Variants in LHCGR observed in about 807,000 individuals in gnomAD.
LHCGR encodes the protein lutropin-choriogonadotropic hormone receptor.
In LHCGR, 55 loss-of-function variants were observed where a neutral mutation model predicts 60.7. That is an observed-to-expected ratio of 0.91 (90% CI 0.73 to 1.13). The LOEUF (loss-of-function observed/expected upper bound fraction) is 1.13. LHCGR is among the 50% of genes most tolerant of loss of function. The pLI, the probability that LHCGR is intolerant of heterozygous loss-of-function variation, is 0.00. For missense variants in LHCGR, 862 were observed against 836.0 expected, an observed-to-expected ratio of 1.03 and a Z score of -0.38; for synonymous variants, 337 against 316.5, an observed-to-expected ratio of 1.06 and a Z score of -0.69.
At chr2:48,750,628 A>G (rs1669917367) in intron 1 of LHCGR, among the ~76,000 whole-genome samples, 1 of 152,244 alleles carries the variant, frequency 6.6e-6, no homozygotes, top group Non-Finnish European at 1.5e-5. Context: ...TGATGTAGAC[A>G]TGCTTCTTTT....
Position 48,723,485 on chromosome 2 carries a change from A to G in LHCGR, c.507T>C (p.Phe169=), listed in dbSNP as rs1241149479. ...LHITTIPGNA[F]QGMNNESVTL... ...TTACAGATTCATTATTCATCCCTTGAAAAGCATTTCCTGGTATGGTGGTTA... is the reference window on the plus strand; with the variant it reads ...TTACAGATTCATTATTCATCCCTTGGAAAGCATTTCCTGGTATGGTGGTTA... Residue 169 remains phenylalanine (F), a synonymous_variant, in exon 6 of 11, where the codon TTT becomes TTC. Coordinates refer to ENST00000294954, the MANE Select transcript of LHCGR (RefSeq NM_000233.4). 1.2e-6 allele frequency: 2 copies of G among 1,612,542 alleles called. No homozygotes were observed. Among genetic ancestry groups the G allele is most frequent in the South Asian group, 2.2e-5 (2 of 91,040 alleles).
At chr2:48,719,563 G>C (rs1393459731) in intron 6 of LHCGR, among the ~76,000 whole-genome samples, 1 of 152,202 alleles carries the variant, frequency 6.6e-6, no homozygotes, top group Non-Finnish European at 1.5e-5. Flanking sequence ...GCTAAATTCT[G>C]CTTATTTGGG....
chr2:48,714,954 A>T (rs1668176593), intron 6 of LHCGR, among the ~76,000 whole-genome samples: 1 of 152,182 alleles, frequency 6.6e-6, no homozygotes, highest in Non-Finnish European at 1.5e-5. Flanking sequence ...TGGGACTAGG[A>T]TATGCTTTGT....
intron 6 of LHCGR, among the ~76,000 whole-genome samples, chr2:48,715,926 C>A (rs569668279): frequency 5.3e-4 from 81 of 152,242 alleles, no homozygotes; most frequent in African/African-American, 1.8e-3. Context: ...ATGCCTGGTG[C>A]CTAGCTCAGT....
At chr2:48,707,683 T>C (rs115118904) in intron 8 of LHCGR, among the ~76,000 whole-genome samples, 4,877 of 152,356 alleles carry the variant, frequency 0.032, 100 homozygotes, top group Middle Eastern at 0.068. Flanking sequence ...GTTTACACAG[T>C]GTGCATAAAA....
intron 1 of LHCGR, among the ~76,000 whole-genome samples, chr2:48,747,633 C>T (rs1406057937): frequency 6.6e-6 from 1 of 152,142 alleles, no homozygotes; most frequent in Non-Finnish European, 1.5e-5. Context: ...AAAAGAGGGA[C>T]AGAGAGGAGT....
intron 1 of LHCGR, among the ~76,000 whole-genome samples, chr2:48,754,656 T>G (rs186459738): frequency 6.6e-6 from 1 of 151,108 alleles, no homozygotes; most frequent in Non-Finnish European, 1.5e-5. Flanking sequence ...TCCCATCCGC[T>G]TCCCCAGCCC....
intron 1 of LHCGR, among the ~76,000 whole-genome samples, chr2:48,743,356 A>C (rs548307755): frequency 6.6e-6 from 1 of 152,348 alleles, no homozygotes; most frequent in South Asian, 2.1e-4. Context: ...GGCCAGCATC[A>C]TCCTGATACC....
At chr2:48,743,992 A>G (rs1052170342) in intron 1 of LHCGR, among the ~76,000 whole-genome samples, 2 of 142,744 alleles carry the variant, frequency 1.4e-5, no homozygotes, top group African/African-American at 2.7e-5. Flanking sequence ...CAACTTCAGC[A>G]AAGTCTCAGG....
At chr2:48,731,747 T>C (rs1005865260) in intron 1 of LHCGR, among the ~76,000 whole-genome samples, 1 of 152,186 alleles carries the variant, frequency 6.6e-6, no homozygotes. Context: ...AGTGATCCTA[T>C]AGACTTGATT....
intron 7 of LHCGR, 151 bp downstream of exon 7, chr2:48,713,835 A>G (rs1668110351): frequency 1.4e-6 from 1 of 712,120 alleles, no homozygotes; most frequent in Admixed American, 2.0e-5. Flanking sequence ...CTAGCCAGCC[A>G]GTTGCCTAGT....
At chr2:48,715,462 A>G (rs79813608) in intron 6 of LHCGR, among the ~76,000 whole-genome samples, 11 of 152,178 alleles carry the variant, frequency 7.2e-5, no homozygotes, top group East Asian at 1.9e-4. Flanking sequence ...TAAACTCCTT[A>G]TATCTGCCAA....
chr2:48,712,033 T>C (rs546046235), intron 7 of LHCGR, among the ~76,000 whole-genome samples: 1 of 152,142 alleles, frequency 6.6e-6, no homozygotes, highest in East Asian at 1.9e-4. Context: ...TGAACACATC[T>C]TATAATTCCT....
At chr2:48,739,458 T>C (rs1669337455) in intron 1 of LHCGR, among the ~76,000 whole-genome samples, 1 of 152,196 alleles carries the variant, frequency 6.6e-6, no homozygotes, top group Admixed American at 6.5e-5. Context: ...GTGGCACATA[T>C]ACACCATGGA....
intron 8 of LHCGR, among the ~76,000 whole-genome samples, chr2:48,702,754 C>T (rs1667473636): frequency 6.6e-6 from 1 of 151,366 alleles, no homozygotes; most frequent in Non-Finnish European, 1.5e-5. Flanking sequence ...GCAGCATGAT[C>T]CTTTAATAGT....
intron 8 of LHCGR, among the ~76,000 whole-genome samples, chr2:48,702,337 A>T (rs1051530023): frequency 4.0e-5 from 6 of 151,660 alleles, no homozygotes; most frequent in African/African-American, 1.5e-4. Context: ...ATAGGTATAC[A>T]TATGCCACGT....
intron 1 of LHCGR, among the ~76,000 whole-genome samples, chr2:48,743,578 A>G (rs1170528269): frequency 3.3e-5 from 5 of 152,170 alleles, no homozygotes; most frequent in African/African-American, 1.2e-4. Context: ...TATAAACAGA[A>G]CCAAAGACAA....
At chr2:48,750,327 G>A (rs944827128) in intron 1 of LHCGR, among the ~76,000 whole-genome samples, 6 of 152,030 alleles carry the variant, frequency 3.9e-5, no homozygotes, top group African/African-American at 1.5e-4. Context: ...TTTTTATTAA[G>A]GAATCTTGGG....
intron 10 of LHCGR, 132 bp downstream of exon 10, chr2:48,694,092 A>G: frequency 1.5e-6 from 1 of 674,858 alleles, no homozygotes; most frequent in Admixed American, 2.4e-5. Flanking sequence ...TTCCCATTTT[A>G]AAACTATTAA....
Sources: allele counts gnomAD v4.1 joint callset (sites outside exome capture counted in the v4.1 genomes callset), GRCh38; gene constraint gnomAD v4.1.1; transcripts MANE v1.5; gene names NCBI Gene and HGNC (gene_info 2026-07-23, HGNC 2026-07-21).